The following NPC1L1 variants were observed in gnomAD, a reference collection of about 807,000 sequenced individuals.
NPC1L1 encodes NPC1-like intracellular cholesterol transporter 1.
In NPC1L1, 98 loss-of-function variants were observed where a neutral mutation model predicts 117.0. The ratio of observed to expected loss-of-function variants is 0.84; its 90% CI spans 0.71 to 0.99. The LOEUF (loss-of-function observed/expected upper bound fraction) is 0.99. Among genes scored for constraint, NPC1L1 ranks in the 50% least tolerant of loss-of-function variants. The pLI, the probability that NPC1L1 is intolerant of heterozygous loss-of-function variation, is 0.00. For missense variants in NPC1L1, 1,540 were observed against 1,710.0 expected, an observed-to-expected ratio of 0.90 and a Z score of 1.75; for synonymous variants, 729 against 727.6, an observed-to-expected ratio of 1.00 and a Z score of -0.03.
In NPC1L1 at chr7:44,538,807, A is replaced by G. The variant is rs772558993; in HGVS notation, c.1580+10T>C. The G allele has an allele frequency of 1.7e-5, 28 of 1,613,776 alleles. 1 individual carries two copies. In the East Asian group the frequency reaches 3.8e-4, roughly 22 times the overall value. ...GCCCACTCCTCGCTTGGGCCCCACC[A>G]TGGACTCACTTGGCACAGTACAGAA... On this transcript the variant is annotated intron_variant, in intron 2 of 18. Coordinates refer to ENST00000381160, the MANE Select transcript of NPC1L1 (RefSeq NM_001101648.2). This position sits in a 1 kb window ranked among gnomAD's most constrained non-coding sequence, Gnocchi z 5.9.
In NPC1L1 at chr7:44,520,817, G is replaced by T. The variant is rs778564748; in HGVS notation, c.3084C>A (p.Gly1028=). The change falls in exon 14 of 19, where the codon GGC becomes GGA. Residue 1028 remains glycine, a synonymous_variant. Coordinates refer to ENST00000381160, the MANE Select transcript of NPC1L1 (RefSeq NM_001101648.2). ...TCACAGAGGTGCTGTATGCTGCCAG[G>T]CCGCTGCAAGAAGGTCAGGGCAAAG... The part of the protein sequence containing the change: ...DRPNIKCPKG[G]LAAYSTSVNL... The T allele has an allele frequency of 3.0e-5, 49 of 1,613,992 alleles. No individual in the cohort carries two copies. The highest frequency in any genetic ancestry group is 3.9e-5 in the Non-Finnish European group (46 of 1,180,020).
intron 10 of NPC1L1, among the ~76,000 whole-genome samples, chr7:44,523,550 G>A (rs1198496717): frequency 6.6e-6 from 1 of 152,190 alleles, no homozygotes; most frequent in African/African-American, 2.4e-5. Flanking sequence ...GCTTGCAGGA[G>A]CCAGGTAGGC....
At chr7:44,529,110 AACACACAC>A (rs59108479) in intron 10 of NPC1L1, among the ~76,000 whole-genome samples, 50,115 of 122,472 alleles carry the variant, frequency 0.41, 10,830 homozygotes, top group East Asian at 0.56. Context: ...GAATGAATTA[AACACACAC>A]ACACACACAC....
chr7:44,514,516 A>G (rs1801126579), intron 18 of NPC1L1, among the ~76,000 whole-genome samples: 1 of 151,952 alleles, frequency 6.6e-6, no homozygotes, highest in Admixed American at 6.6e-5. Context: ...TAAAAATACA[A>G]AAATTAGCCA....
At chr7:44,537,641 T>A (rs1801943319) in intron 2 of NPC1L1, among the ~76,000 whole-genome samples, 1 of 152,230 alleles carries the variant, frequency 6.6e-6, no homozygotes, top group Non-Finnish European at 1.5e-5. Context: ...CGAGTGCTGG[T>A]TGCTGTGTGA....
Position 44,536,175 on chromosome 7 carries a change from C to G in NPC1L1, c.1854+81G>C. The G allele has an allele frequency of 6.3e-7, 1 of 1,599,178 alleles. No homozygotes were observed. ...CTGCCCAGGGTCACTTAGGAAGGGC[C>G]AGGGCCAGGATGGGGACACAGGAAC... On this transcript the variant is annotated intron_variant, in intron 4 of 18. Transcript: ENST00000381160. This position sits in a 1 kb window ranked among gnomAD's most constrained non-coding sequence, Gnocchi z 4.7.
chr7:44,524,725 T>C (rs1028028510), intron 10 of NPC1L1, among the ~76,000 whole-genome samples: 3 of 151,994 alleles, frequency 2.0e-5, no homozygotes, highest in African/African-American at 7.2e-5. Flanking sequence ...GCCTGGGTGA[T>C]AGAGCAAGAC....
chr7:44,531,914 T>A, intron 9 of NPC1L1, 70 bp from the exon 10 acceptor site: 1 of 1,525,006 alleles, frequency 6.6e-7, no homozygotes, highest in Non-Finnish European at 8.9e-7. Flanking sequence ...CAAATTTAAG[T>A]CAGTCAGGGT....
Position 44,536,213 on chromosome 7 carries a change from A to G in NPC1L1, c.1854+43T>C. Reference sequence around the variant, plus strand: ...GGGACACAGGAACTGACCCAAGACCACCTGGGTTGCACCCCCAGAGCCAGG... The same window carrying G: ...GGGACACAGGAACTGACCCAAGACCGCCTGGGTTGCACCCCCAGAGCCAGG... On this transcript the variant is annotated intron_variant, in intron 4 of 18. Coordinates refer to ENST00000381160, the MANE Select transcript of NPC1L1 (RefSeq NM_001101648.2). The surrounding 1 kb of genome is among the most constrained non-coding windows in gnomAD (Gnocchi z 4.7). 1.2e-6 allele frequency: 2 copies of G among 1,610,240 alleles called. No homozygotes were observed. Among genetic ancestry groups the G allele is most frequent in the Non-Finnish European group, 1.7e-6 (2 of 1,178,162 alleles).
At position 44,516,071 on chromosome 7, in the gene NPC1L1, C is replaced by T. The variant is rs758008910; in HGVS notation, c.3633+13G>A. The T allele has an allele frequency of 3.1e-6, 5 of 1,609,070 alleles. No homozygotes were observed. Among genetic ancestry groups the T allele is most frequent in the South Asian group, 1.1e-5 (1 of 90,290 alleles). ...CGAGTGGGGCACAGGGTGGCCCACTCCTCTCCACTCACCGCACTTCCCATA... is the reference window on the plus strand; with the variant it reads ...CGAGTGGGGCACAGGGTGGCCCACTTCTCTCCACTCACCGCACTTCCCATA... On this transcript the variant is annotated intron_variant, in intron 17 of 18. Transcript: ENST00000381160.
intron 18 of NPC1L1, among the ~76,000 whole-genome samples, chr7:44,514,831 G>A (rs765093915): frequency 6.6e-5 from 10 of 151,466 alleles, no homozygotes; most frequent in African/African-American, 9.7e-5. Flanking sequence ...GTGAAACCCC[G>A]TCTCTACTAA....
intron 1 of NPC1L1, 74 bp downstream of exon 1, chr7:44,541,132 G>A (rs939335935): frequency 6.1e-6 from 9 of 1,486,624 alleles, no homozygotes; most frequent in African/African-American, 1.4e-5. Flanking sequence ...AGTAACGCTC[G>A]CCTGGTACAC....
rs977423192 is a variant in NPC1L1 at position 44,536,693 on chromosome 7, G to T, written c.1681+149C>A. On this transcript the variant is annotated intron_variant, in intron 3 of 18. Coordinates refer to ENST00000381160, the MANE Select transcript of NPC1L1 (RefSeq NM_001101648.2). The surrounding 1 kb of genome is among the most constrained non-coding windows in gnomAD (Gnocchi z 4.7). ...AAGATAAAGGAGATGGCAGAGAGAG[G>T]AAACAGGACAGGGTTGGCCTACAGC... 2 of 768,940 alleles carry T rather than the reference G, an allele frequency of 2.6e-6. No individual in the cohort carries two copies. The highest frequency in any genetic ancestry group is 3.4e-5 in the African/African-American group (2 of 58,052). The allele number at this position is 768,940 out of a possible 1,614,324, so 47.6% of individuals were successfully genotyped here. A position where few individuals can be genotyped will look rare whatever the true frequency, so the allele number is the denominator to read the frequency against.
At chr7:44,525,314 G>T (rs1009114082) in intron 10 of NPC1L1, among the ~76,000 whole-genome samples, 2 of 152,018 alleles carry the variant, frequency 1.3e-5, no homozygotes, top group African/African-American at 4.8e-5. Context: ...CTGGAGTGCA[G>T]TGGCACAATC....
Position 44,536,235 on chromosome 7 carries a change from C to T in NPC1L1, c.1854+21G>A, listed in dbSNP as rs377681782. On this transcript the variant is annotated intron_variant, in intron 4 of 18. Transcript: ENST00000381160. The surrounding 1 kb of genome is among the most constrained non-coding windows in gnomAD (Gnocchi z 4.7). The stretch of plus-strand genomic sequence containing the variant: ...ACCACCTGGGTTGCACCCCCAGAGC[C>T]AGGGACCCTGCAGCCCCTACCTCAG... The T allele has an allele frequency of 3.1e-6, 5 of 1,612,528 alleles. No individual in the cohort carries two copies. The South Asian group carries it at 4.4e-5, about 14-fold the overall frequency.
chr7:44,529,461 C>T (rs1258983639), intron 10 of NPC1L1, among the ~76,000 whole-genome samples: 2 of 151,740 alleles, frequency 1.3e-5, no homozygotes, highest in African/African-American at 4.8e-5. Context: ...TTACCACAAC[C>T]TCTGCCTCCC....
At chr7:44,516,026 TCAGGCAGGGCACAGGG>T (rs1801174383) in intron 17 of NPC1L1, 42 bp downstream of exon 17, 3 of 1,609,276 alleles carry the variant, frequency 1.9e-6, no homozygotes, top group Non-Finnish European at 2.5e-6. Flanking sequence ...GCACAGGGCA[TCAGGCAGGGCACAGGG>T]TGTCGAGTGG....
At chr7:44,519,216 C>T (rs572895934) in intron 14 of NPC1L1, among the ~76,000 whole-genome samples, 1 of 152,216 alleles carries the variant, frequency 6.6e-6, no homozygotes, top group East Asian at 1.9e-4. Flanking sequence ...TGAACAATTT[C>T]CAGGTTATGC....
rs763453862 is a variant in NPC1L1 at position 44,539,511 on chromosome 7, C to T, written c.886G>A (p.Ala296Thr). Residue 296 changes from alanine (A) to threonine (T), a missense_variant, in exon 2 of 19, where the codon GCT becomes ACT. Ala to Thr is a moderately conservative substitution (Grantham distance 58). Coordinates refer to ENST00000381160, the MANE Select transcript of NPC1L1 (RefSeq NM_001101648.2). This position sits in a 1 kb window ranked among gnomAD's most constrained non-coding sequence, Gnocchi z 4.4. ...CCCACAAGCAGGATGGTGACCACAG[C>T]GAAGACAGAGCAGAGGATGATGATG... ...VLIIILCSVF[A>T]VVTILLVGFR... The T allele has an allele frequency of 4.3e-6, 7 of 1,613,336 alleles. No homozygotes were observed. The highest frequency in any genetic ancestry group is 1.7e-5 in the Admixed American group (1 of 59,990).
Sources: allele counts gnomAD v4.1 joint callset (sites outside exome capture counted in the v4.1 genomes callset), GRCh38; gene constraint gnomAD v4.1.1; non-coding constraint Gnocchi (gnomAD v3.1); transcripts MANE v1.5; gene names NCBI Gene and HGNC (gene_info 2026-07-23, HGNC 2026-07-21).